The following SLC10A7 variants were observed in gnomAD, a reference collection of about 807,000 sequenced individuals.
The protein encoded by SLC10A7 is solute carrier family 10 member 7.
In SLC10A7, 29 loss-of-function variants were observed where a neutral mutation model predicts 43.2. That is an observed-to-expected ratio of 0.67 (90% CI 0.50 to 0.92). The LOEUF (loss-of-function observed/expected upper bound fraction) is 0.92. Among genes scored for constraint, SLC10A7 ranks in the 40% least tolerant of loss-of-function variants. SLC10A7 has a pLI of 0.00. For missense variants in SLC10A7, 295 were observed against 403.2 expected, an observed-to-expected ratio of 0.73 and a Z score of 2.30; for synonymous variants, 152 against 144.8, an observed-to-expected ratio of 1.05 and a Z score of -0.35.
chr4:146,347,968 C>T (rs1294436846), intron 5 of SLC10A7, among the ~76,000 whole-genome samples: 1 of 152,062 alleles, frequency 6.6e-6, no homozygotes, highest in Non-Finnish European at 1.5e-5. Context: ...GCACTTGAAA[C>T]CAGAAATATA....
chr4:146,387,988 G>T (rs898451139), intron 5 of SLC10A7, among the ~76,000 whole-genome samples: 4 of 152,116 alleles, frequency 2.6e-5, no homozygotes, highest in Non-Finnish European at 5.9e-5. Context: ...TTGATAAAAT[G>T]ACCATACTGC....
chr4:146,263,132 A>T (rs553124106), intron 10 of SLC10A7, among the ~76,000 whole-genome samples: 14 of 152,236 alleles, frequency 9.2e-5, no homozygotes, highest in African/African-American at 3.1e-4. Context: ...CCCATTCATG[A>T]CCCACCCAAC....
chr4:146,505,998 C>G (rs1736861575), intron 3 of SLC10A7, among the ~76,000 whole-genome samples: 1 of 152,170 alleles, frequency 6.6e-6, no homozygotes, highest in Non-Finnish European at 1.5e-5. Context: ...GGGTCAAAGA[C>G]TTATCTAGGC....
chr4:146,342,152 T>C (rs186829018), intron 5 of SLC10A7, among the ~76,000 whole-genome samples: 1 of 151,956 alleles, frequency 6.6e-6, no homozygotes, highest in East Asian at 1.9e-4. Flanking sequence ...CATAGCTTTA[T>C]CTTTTCCCAC....
intron 5 of SLC10A7, among the ~76,000 whole-genome samples, chr4:146,429,397 T>C (rs764110419): frequency 2.0e-5 from 3 of 152,190 alleles, no homozygotes; most frequent in African/African-American, 4.8e-5. Flanking sequence ...TGTCTATTCA[T>C]CTAATATTTT....
chr4:146,495,837 T>C (rs1184026827), intron 4 of SLC10A7, among the ~76,000 whole-genome samples: 1 of 151,704 alleles, frequency 6.6e-6, no homozygotes, highest in Non-Finnish European at 1.5e-5. Flanking sequence ...TTGTTATCTT[T>C]CTTCTATACC....
intron 6 of SLC10A7, among the ~76,000 whole-genome samples, chr4:146,306,664 A>T (rs1002235722): frequency 1.3e-5 from 2 of 152,150 alleles, no homozygotes; most frequent in Admixed American, 6.6e-5. Flanking sequence ...AGTTTCATTA[A>T]GATGCTATTC....
In SLC10A7 at chr4:146,295,876, C is replaced by T. The variant is rs568840225; in HGVS notation, c.556-1781G>A. Among the ~76,000 whole-genome samples the T allele has an allele frequency of 3.3e-5, 5 of 152,232 alleles. No homozygotes were observed. In the South Asian group the frequency reaches 1.0e-3, roughly 32 times the overall value. On this transcript the variant is annotated intron_variant, in intron 7 of 11. Transcript: ENST00000335472. ...GTTAAAAACACCACAAAATTTCTCT[C>T]TCTGCAATAGGTTATAGAATGTATG...
chr4:146,342,029 C>T lies in SLC10A7; in HGVS notation c.436-16033G>A, dbSNP rs191218129. On this transcript the variant is annotated intron_variant, in intron 5 of 11. Transcript: ENST00000335472. ...CTTGTAATTCCTTACAGAAAAAAAA[C>T]AGTATCCACCCATTCCTCTACCCAC... Among the ~76,000 whole-genome samples, 4 of 151,608 alleles carry T rather than the reference C, an allele frequency of 2.6e-5. No homozygotes were observed. In the East Asian group the frequency reaches 7.7e-4, roughly 29 times the overall value.
chr4:146,465,686 C>G (rs1415710121), intron 4 of SLC10A7, among the ~76,000 whole-genome samples: 1 of 152,020 alleles, frequency 6.6e-6, no homozygotes, highest in Non-Finnish European at 1.5e-5. Context: ...TAAAATACCC[C>G]CTTGGCAAGG....
rs185012649 is a variant in SLC10A7, at chr4:146,339,989, C to T, written c.436-13993G>A. 1.8e-3 allele frequency among the ~76,000 whole-genome samples: 278 copies of T among 151,438 alleles called. 1 individual carries two copies. Among genetic ancestry groups the T allele is most frequent in the Non-Finnish European group, 2.6e-3 (175 of 67,760 alleles). ...CTCTCCCTCCCCTTGTCCCCCACCC[C>T]GACAGGTCCCGGTGTGTGATAACAT... On this transcript the variant is annotated intron_variant, in intron 5 of 11. Coordinates refer to ENST00000335472, the MANE Select transcript of SLC10A7 (RefSeq NM_001029998.6).
At chr4:146,459,973 A>T (rs2149933658) in intron 4 of SLC10A7, among the ~76,000 whole-genome samples, 1 of 151,978 alleles carries the variant, frequency 6.6e-6, no homozygotes, top group Non-Finnish European at 1.5e-5. Flanking sequence ...ATAAAACAAA[A>T]CTCTTACAAC....
At chr4:146,314,749 T>C (rs1732210401) in intron 6 of SLC10A7, among the ~76,000 whole-genome samples, 1 of 152,122 alleles carries the variant, frequency 6.6e-6, no homozygotes, top group South Asian at 2.1e-4. Context: ...AATTGACCTT[T>C]ATGGCTGGAG....
chr4:146,351,736 T>C (rs1735126207), intron 5 of SLC10A7, among the ~76,000 whole-genome samples: 1 of 147,042 alleles, frequency 6.8e-6, no homozygotes, highest in Admixed American at 6.7e-5. Flanking sequence ...ATATTCAACA[T>C]TCTTAAAGAA....
intron 5 of SLC10A7, among the ~76,000 whole-genome samples, chr4:146,368,383 A>G (rs1736544177): frequency 6.6e-6 from 1 of 152,240 alleles, no homozygotes; most frequent in Admixed American, 6.5e-5. Context: ...GCTTAACAGT[A>G]CAAATGTTCT....
At chr4:146,488,747 T>C (rs1036299678) in intron 4 of SLC10A7, among the ~76,000 whole-genome samples, 5 of 152,184 alleles carry the variant, frequency 3.3e-5, no homozygotes, top group African/African-American at 9.6e-5. Context: ...CAAAGCAGAA[T>C]AGGCGTGAAT....
At chr4:146,498,174 A>G (rs562776034) in intron 4 of SLC10A7, among the ~76,000 whole-genome samples, 135 of 151,192 alleles carry the variant, frequency 8.9e-4, no homozygotes, top group African/African-American at 3.2e-3. Flanking sequence ...CTGGAGTGCA[A>G]TGGCACAATC....
chr4:146,256,616 G>T, intron 11 of SLC10A7, 96 bp from the exon 12 acceptor site: 2 of 1,354,746 alleles, frequency 1.5e-6, no homozygotes, highest in South Asian at 1.2e-5. Context: ...TTAGAAGGAA[G>T]AAGAGGCCCA....
chr4:146,258,070 A>G (rs1727990626), intron 11 of SLC10A7, among the ~76,000 whole-genome samples: 1 of 152,204 alleles, frequency 6.6e-6, no homozygotes, highest in African/African-American at 2.4e-5. Flanking sequence ...CACCATCTAA[A>G]CTTCTTGTGA....
Sources: allele counts gnomAD v4.1 joint callset (sites outside exome capture counted in the v4.1 genomes callset), GRCh38; gene constraint gnomAD v4.1.1; transcripts MANE v1.5; gene names NCBI Gene and HGNC (gene_info 2026-07-23, HGNC 2026-07-21).